ITGB3BP: variants seen among roughly 807,000 people sequenced by gnomAD.
ITGB3BP encodes the protein integrin subunit beta 3 binding protein.
Under a neutral mutation model 29.1 loss-of-function variants are expected in ITGB3BP, and 27 were observed. That is an observed-to-expected ratio of 0.93 (90% CI 0.68 to 1.28). The LOEUF is 1.28. Ranked by LOEUF, ITGB3BP falls within the 50% of genes most tolerant of loss-of-function variation. ITGB3BP has a pLI of 0.00. For synonymous variants in ITGB3BP, 61 were observed against 61.4 expected (o/e 0.99, Z 0.03); for missense variants, 192 against 200.2 (o/e 0.96, Z 0.25).
chr1:63,447,615 C>G (rs1441737860), intron 7 of ITGB3BP: 3 of 497,150 alleles, frequency 6.0e-6, no homozygotes, highest in South Asian at 4.4e-5. Context: ...TGAGGCTGAC[C>G]TTAAAGGATG....
chr1:63,513,671 TA>T (rs1646250322), intron 1 of ITGB3BP, among the ~76,000 whole-genome samples: 1 of 152,166 alleles, frequency 6.6e-6, no homozygotes. Flanking sequence ...TTAATATGTA[TA>T]TTTTTAAAAA....
At chr1:63,447,028 T>C (rs929744481) in intron 7 of ITGB3BP, 172 bp from the exon 8 acceptor site, 1 of 578,292 alleles carries the variant, frequency 1.7e-6, no homozygotes, top group African/African-American at 1.9e-5. Context: ...ATGCTATAGT[T>C]AGCCTGATTC....
chr1:63,488,676 A>C (rs1003643702), intron 3 of ITGB3BP, among the ~76,000 whole-genome samples: 8 of 152,056 alleles, frequency 5.3e-5, no homozygotes, highest in Non-Finnish European at 2.9e-5. Flanking sequence ...TTCTGGACAA[A>C]ATTCTGTTTC....
At chr1:63,517,217 G>C (rs970439017) in intron 1 of ITGB3BP, among the ~76,000 whole-genome samples, 1 of 151,762 alleles carries the variant, frequency 6.6e-6, no homozygotes, top group Non-Finnish European at 1.5e-5. Context: ...ATGTTTGTTA[G>C]GATTATGACA....
intron 2 of ITGB3BP, among the ~76,000 whole-genome samples, chr1:63,496,826 C>T (rs1352725816): frequency 6.6e-6 from 1 of 152,202 alleles, no homozygotes; most frequent in Non-Finnish European, 1.5e-5. Flanking sequence ...GAAGATTGGA[C>T]ATGAGTATGA....
At chr1:63,492,703 A>C (rs529490270) in intron 2 of ITGB3BP, among the ~76,000 whole-genome samples, 1 of 152,294 alleles carries the variant, frequency 6.6e-6, no homozygotes, top group East Asian at 1.9e-4. Context: ...CCTTTAGAAA[A>C]ACAGGAAGAA....
At chr1:63,482,091 C>A (rs1378484172) in intron 3 of ITGB3BP, among the ~76,000 whole-genome samples, 1 of 151,544 alleles carries the variant, frequency 6.6e-6, no homozygotes, top group Non-Finnish European at 1.5e-5. Flanking sequence ...TGGTCAACAC[C>A]GTGAAACCCT....
chr1:63,497,305 T>TA (rs1184707474), intron 2 of ITGB3BP, among the ~76,000 whole-genome samples: 3 of 152,004 alleles, frequency 2.0e-5, no homozygotes, highest in Non-Finnish European at 2.9e-5. Context: ...ATCCCTATTC[T>TA]AAAAAAATAA....
intron 4 of ITGB3BP, among the ~76,000 whole-genome samples, chr1:63,470,110 A>T (rs571790709): frequency 6.6e-6 from 1 of 152,222 alleles, no homozygotes; most frequent in Non-Finnish European, 1.5e-5. Flanking sequence ...AGTTAATTTA[A>T]TATCTATAGA....
chr1:63,487,852 A>G (rs913552735), intron 3 of ITGB3BP, among the ~76,000 whole-genome samples: 7 of 152,106 alleles, frequency 4.6e-5, no homozygotes, highest in African/African-American at 1.7e-4. Flanking sequence ...CATCACCACA[A>G]AAATGTGAGT....
chr1:63,525,495 G>T, upstream of ITGB3BP: 5 of 1,171,812 alleles, frequency 4.3e-6, no homozygotes, highest in Non-Finnish European at 5.8e-6. Context: ...TCTCCTCCCT[G>T]TATTTGAAAG....
chr1:63,443,081 C>A (rs1470186545), intron 8 of ITGB3BP: 1 of 152,150 alleles, frequency 6.6e-6, no homozygotes, highest in African/African-American at 2.4e-5. Flanking sequence ...GGACAGTCCT[C>A]CCCACTGAAC....
chr1:63,465,878 T>C (rs896967679), intron 4 of ITGB3BP, among the ~76,000 whole-genome samples: 1 of 152,120 alleles, frequency 6.6e-6, no homozygotes, highest in African/African-American at 2.4e-5. Flanking sequence ...ATTTTTTATT[T>C]ATTTTAATTA....
rs1280561876 is a variant in ITGB3BP, at chr1:63,461,248, C to T, written c.255-6280G>A. 3.4e-5 allele frequency among the ~76,000 whole-genome samples: 3 copies of T among 89,416 alleles called. No homozygotes were observed. In the Admixed American group the frequency reaches 4.2e-4, roughly 13 times the overall value. 58.7% of individuals were successfully genotyped at this position (89,416 alleles called of 152,430 possible). On this transcript the variant is annotated intron_variant, in intron 4 of 8. Coordinates refer to ENST00000271002, the MANE Select transcript of ITGB3BP (RefSeq NM_014288.5). ...CAGCCTGGGCGACAGAGTGAGACTC[C>T]ATCTCAAAAAAAAAAAAAAAAAAAA...
intron 1 of ITGB3BP, among the ~76,000 whole-genome samples, chr1:63,518,615 G>A (rs529027316): frequency 9.8e-6 from 1 of 101,632 alleles, no homozygotes; most frequent in Admixed American, 9.9e-5. Context: ...TTTCAACTTT[G>A]TTGCTTATAG....
chr1:63,503,724 T>G (rs548384452), intron 2 of ITGB3BP, among the ~76,000 whole-genome samples: 1 of 152,240 alleles, frequency 6.6e-6, no homozygotes, highest in Non-Finnish European at 1.5e-5. Context: ...TTCAGCTTTC[T>G]ACGTATGGCT....
intron 4 of ITGB3BP, among the ~76,000 whole-genome samples, chr1:63,478,348 G>A (rs1331609123): frequency 2.0e-5 from 3 of 152,158 alleles, no homozygotes; most frequent in Admixed American, 6.5e-5. Flanking sequence ...TTGGTTGCTC[G>A]CATGTAGGCC....
chr1:63,513,412 C>T (rs1441691146), intron 1 of ITGB3BP, among the ~76,000 whole-genome samples: 1 of 152,116 alleles, frequency 6.6e-6, no homozygotes. Flanking sequence ...AACCTATGTA[C>T]CCATAACGCT....
chr1:63,480,641 C>A (rs528268859), intron 3 of ITGB3BP, among the ~76,000 whole-genome samples: 8 of 151,592 alleles, frequency 5.3e-5, no homozygotes, highest in South Asian at 4.2e-4. Flanking sequence ...TCAAAAAAAA[C>A]AAAACAAAAA....
Sources: gnomAD v4.1 joint callset for allele counts (sites outside exome capture counted in the v4.1 genomes callset) on GRCh38, gnomAD v4.1.1 for gene constraint, MANE v1.5 for transcripts, NCBI Gene and HGNC (gene_info 2026-07-23, HGNC 2026-07-21) for gene names.